Variants in DHRSX observed in about 807,000 individuals in gnomAD.
The protein encoded by DHRSX is polyprenol dehydrogenase.
DHRSX carries 31 observed loss-of-function variants against 34.0 expected under a neutral mutation model. The ratio of observed to expected loss-of-function variants is 0.91; its 90% CI spans 0.69 to 1.23. The LOEUF is 1.23. Among genes scored for constraint, DHRSX ranks in the 50% most tolerant of loss-of-function variants. The pLI, the probability that DHRSX is intolerant of heterozygous loss-of-function variation, is 0.00. For missense variants in DHRSX, 414 were observed against 428.1 expected, an observed-to-expected ratio of 0.97 and a Z score of 0.29; for synonymous variants, 201 against 183.8, an observed-to-expected ratio of 1.09 and a Z score of -0.76.
chrX:2,322,710 T>C (rs2042327461), intron 3 of DHRSX, among the ~76,000 whole-genome samples: 1 of 149,960 alleles, frequency 6.7e-6, no homozygotes, highest in South Asian at 2.1e-4. Flanking sequence ...TTTTCTTTTC[T>C]CTAGCATACT....
At chrX:2,381,706 C>T (rs1166181856) in intron 3 of DHRSX, among the ~76,000 whole-genome samples, 1 of 149,932 alleles carries the variant, frequency 6.7e-6, no homozygotes, top group Non-Finnish European at 1.5e-5. Flanking sequence ...AGGGCACGTA[C>T]GTTCCCTAAG....
chrX:2,462,386 T>C (rs1170769714), intron 1 of DHRSX, among the ~76,000 whole-genome samples: 1 of 152,076 alleles, frequency 6.6e-6, no homozygotes, highest in Non-Finnish European at 1.5e-5. Flanking sequence ...ATAATATTTC[T>C]TGACACAACA....
intron 6 of DHRSX, among the ~76,000 whole-genome samples, chrX:2,225,218 TACAC>T (rs1285617450): frequency 3.0e-5 from 4 of 132,466 alleles, no homozygotes; most frequent in African/African-American, 1.1e-4. Flanking sequence ...CATTCACATG[TACAC>T]ACATTCACAT....
At chrX:2,407,218 T>C (rs1428043859) in intron 3 of DHRSX, among the ~76,000 whole-genome samples, 1 of 152,170 alleles carries the variant, frequency 6.6e-6, no homozygotes, top group Non-Finnish European at 1.5e-5. Context: ...TGGGTCCGAC[T>C]CGCAGACTTT....
At chrX:2,374,014 G>C (rs774943959) in intron 3 of DHRSX, among the ~76,000 whole-genome samples, 33 of 152,276 alleles carry the variant, frequency 2.2e-4, no homozygotes, top group Non-Finnish European at 4.3e-4. Flanking sequence ...GTCGTGCATG[G>C]AATGAGGACA....
At chrX:2,252,744 G>A (rs1031048455) in intron 5 of DHRSX, among the ~76,000 whole-genome samples, 1 of 152,174 alleles carries the variant, frequency 6.6e-6, no homozygotes, top group African/African-American at 2.4e-5. Context: ...ATCCAAGAGG[G>A]GCACGTAGTT....
chrX:2,294,211 A>G (rs911799638), intron 3 of DHRSX, among the ~76,000 whole-genome samples: 2 of 151,942 alleles, frequency 1.3e-5, no homozygotes, highest in African/African-American at 4.8e-5. Context: ...GGGACGGGAG[A>G]CAGTAAAAGG....
chrX:2,347,915 T>A (rs2042740957), intron 3 of DHRSX, among the ~76,000 whole-genome samples: 1 of 152,112 alleles, frequency 6.6e-6, no homozygotes, highest in African/African-American at 2.4e-5. Context: ...TCGTGGACAA[T>A]CACTGCTGTC....
At position 2,381,039 on chromosome X, in the gene DHRSX, T is replaced by A. The variant is rs188611866; in HGVS notation, c.286+27706A>T. Among the ~76,000 whole-genome samples the A allele has an allele frequency of 5.8e-4, 88 of 151,994 alleles. No individual in the cohort carries two copies. The East Asian group carries it at 0.016, about 28-fold the overall frequency. On this transcript the variant is annotated intron_variant, in intron 3 of 6. Transcript: ENST00000334651. ...CACCACCACACCCGGCTAATTTTTG[T>A]ATTTTTAGTAGAGACAGGGTTTCAC...
intron 4 of DHRSX, among the ~76,000 whole-genome samples, chrX:2,276,800 GGAGAAAGAGAGACAAAGAGAGATGGAGA>G (rs1245745932): frequency 1.3e-5 from 2 of 149,456 alleles, no homozygotes; most frequent in Non-Finnish European, 3.0e-5. Context: ...GAGGAAATAG[GGAGAAAGAGAGACAAAGAGAGATGGAGA>G]GGGAACAGGG....
At chrX:2,489,161 ATC>A (rs748047208) in intron 1 of DHRSX, 6 of 1,613,574 alleles carry the variant, frequency 3.7e-6, no homozygotes, top group Non-Finnish European at 1.7e-6. Flanking sequence ...CACCGGGAAG[ATC>A]TTGTCCTCAG....
chrX:2,261,893 G>T (rs999923619), intron 5 of DHRSX: 1 of 152,224 alleles, frequency 6.6e-6, no homozygotes, highest in Non-Finnish European at 1.5e-5. Flanking sequence ...GGGTGTTCCT[G>T]TGTGTCTTTG....
intron 6 of DHRSX, among the ~76,000 whole-genome samples, chrX:2,237,314 C>T (rs1437719413): frequency 2.0e-5 from 3 of 152,064 alleles, no homozygotes; most frequent in East Asian, 1.9e-4. Context: ...GACTGCATGG[C>T]GGATACAAAT....
intron 3 of DHRSX, among the ~76,000 whole-genome samples, chrX:2,320,833 C>T (rs1386169463): frequency 6.6e-6 from 1 of 151,834 alleles, no homozygotes; most frequent in African/African-American, 2.4e-5. Context: ...AACAGGTGCA[C>T]AATCAAGGTC....
At chrX:2,492,102 G>A (rs988325176) in intron 1 of DHRSX, among the ~76,000 whole-genome samples, 1 of 152,218 alleles carries the variant, frequency 6.6e-6, no homozygotes, top group Non-Finnish European at 1.5e-5. Flanking sequence ...TTTCAATGAT[G>A]ACTATAGTGG....
rs187801970 is a variant in DHRSX, at chrX:2,457,967, G to C, written c.110-32663C>G. ...CAAACTGAAGACATTCCCTAAGCTT[G>C]TGGCTAAGGGACCACCGCAGTGTGC... On this transcript the variant is annotated intron_variant, in intron 1 of 6. Coordinates refer to ENST00000334651, the MANE Select transcript of DHRSX (RefSeq NM_145177.3). 1.6e-4 allele frequency among the ~76,000 whole-genome samples: 24 copies of C among 150,944 alleles called. 1 individual carries two copies. In the South Asian group the frequency reaches 3.8e-3, roughly 24 times the overall value.
At chrX:2,276,001 G>T (rs1004466022) in intron 4 of DHRSX, among the ~76,000 whole-genome samples, 1 of 151,972 alleles carries the variant, frequency 6.6e-6, no homozygotes, top group Non-Finnish European at 1.5e-5. Flanking sequence ...ATGCTACTAT[G>T]CCCAGCTAAT....
chrX:2,478,251 C>T (rs182196422), intron 1 of DHRSX, among the ~76,000 whole-genome samples: 9 of 152,124 alleles, frequency 5.9e-5, no homozygotes, highest in Non-Finnish European at 1.3e-4. Context: ...AGGCTGGCTG[C>T]GTCTCTCACT....
At chrX:2,310,778 G>T (rs1205845913) in intron 3 of DHRSX, among the ~76,000 whole-genome samples, 2 of 151,944 alleles carry the variant, frequency 1.3e-5, no homozygotes, top group Admixed American at 1.3e-4. Context: ...GAGAGACACA[G>T]AGAGACAGAT....
Sources: gnomAD v4.1 joint callset for allele counts (sites outside exome capture counted in the v4.1 genomes callset) on GRCh38, gnomAD v4.1.1 for gene constraint, MANE v1.5 for transcripts, NCBI Gene and HGNC (gene_info 2026-07-23, HGNC 2026-07-21) for gene names.